CADPS: variants seen among roughly 807,000 people sequenced by gnomAD.
The protein encoded by CADPS is calcium-dependent secretion activator 1.
CADPS carries 57 observed loss-of-function variants against 167.3 expected under a neutral mutation model. The ratio of observed to expected loss-of-function variants is 0.34; its 90% CI spans 0.28 to 0.42. CADPS has a LOEUF of 0.42. Ranked by LOEUF, CADPS falls within the 20% of genes least tolerant of loss-of-function variation. The pLI, the probability that CADPS is intolerant of heterozygous loss-of-function variation, is 1.00. For missense variants in CADPS, 1,414 were observed against 1,738.1 expected, an observed-to-expected ratio of 0.81 and a Z score of 3.32; for synonymous variants, 676 against 635.3, an observed-to-expected ratio of 1.06 and a Z score of -0.96.
chr3:62,575,848 T>G (rs1376152465), intron 8 of CADPS, among the ~76,000 whole-genome samples: 1 of 152,178 alleles, frequency 6.6e-6, no homozygotes, highest in Non-Finnish European at 1.5e-5. Context: ...AAAGTAACAA[T>G]TTTCCTTTGG....
intron 3 of CADPS, among the ~76,000 whole-genome samples, chr3:62,674,210 A>G (rs905865561): frequency 6.6e-6 from 1 of 152,188 alleles, no homozygotes; most frequent in Admixed American, 6.6e-5. Context: ...TGTAAATCAC[A>G]GAGCTGCCCA....
chr3:62,560,059 G>A (rs2078883255), intron 9 of CADPS, among the ~76,000 whole-genome samples: 1 of 149,906 alleles, frequency 6.7e-6, no homozygotes. Flanking sequence ...TTATATTGCT[G>A]AAGTCACTCT....
chr3:62,804,618 T>C (rs1352331000), intron 1 of CADPS, among the ~76,000 whole-genome samples: 1 of 152,120 alleles, frequency 6.6e-6, no homozygotes, highest in Non-Finnish European at 1.5e-5. Context: ...TGTTTCAATA[T>C]GTTGCTCCCT....
chr3:62,827,124 G>C (rs1310247909), intron 1 of CADPS, among the ~76,000 whole-genome samples: 1 of 152,120 alleles, frequency 6.6e-6, no homozygotes, highest in Non-Finnish European at 1.5e-5. Context: ...CAGAGGGTGT[G>C]GGGGTGCTAT....
chr3:62,770,214 C>G (rs963369301), intron 1 of CADPS, among the ~76,000 whole-genome samples: 2 of 152,146 alleles, frequency 1.3e-5, no homozygotes, highest in Admixed American at 1.3e-4. Flanking sequence ...TCAGCCAAGC[C>G]AGCATCTCCT....
intron 3 of CADPS, among the ~76,000 whole-genome samples, chr3:62,711,976 C>G (rs1371486252): frequency 6.6e-6 from 1 of 152,058 alleles, no homozygotes; most frequent in African/African-American, 2.4e-5. Flanking sequence ...ATCATACTGC[C>G]AATTTTCTGC....
chr3:62,532,754 T>G lies in CADPS; in HGVS notation c.2291+117A>C, dbSNP rs894251330. 6 of 720,136 alleles carry G rather than the reference T, an allele frequency of 8.3e-6. No homozygotes were observed. In the East Asian group the frequency reaches 1.7e-4, roughly 20 times the overall value. 44.6% of individuals were successfully genotyped at this position (720,136 alleles called of 1,614,324 possible). ...GTGTGTGTGTGTGTGTGTGTGTACG[T>G]GTGCACATACCACCGAAGGAATGAA... On this transcript the variant is annotated intron_variant, in intron 13 of 29. Transcript: ENST00000383710.
intron 27 of CADPS, chr3:62,440,771 T>A (rs2056167662): frequency 6.6e-6 from 1 of 152,166 alleles, no homozygotes; most frequent in South Asian, 2.1e-4. Flanking sequence ...AGAGCTATCA[T>A]TTTTCCTTAT....
chr3:62,400,931 G>A (rs188312213), intron 29 of CADPS, among the ~76,000 whole-genome samples: 2,039 of 152,100 alleles, frequency 0.013, 24 homozygotes, highest in Non-Finnish European at 0.02. Context: ...CATCTAATGC[G>A]GTCATGATAG....
intron 3 of CADPS, among the ~76,000 whole-genome samples, chr3:62,731,831 G>GAAAAAAAAAAAAAAAAAAAA (rs1564430756): frequency 1.9e-5 from 1 of 52,418 alleles, no homozygotes; most frequent in Admixed American, 1.9e-4. Flanking sequence ...AAAAAAAAAA[G>GAAAAAAAAAAAAAAAAAAAA]TAAAGAAGGA....
intron 1 of CADPS, among the ~76,000 whole-genome samples, chr3:62,786,265 A>T (rs944394950): frequency 5.3e-5 from 8 of 152,168 alleles, no homozygotes; most frequent in Non-Finnish European, 1.2e-4. Flanking sequence ...AATCAGTGAA[A>T]AAAAGGATGT....
intron 1 of CADPS, among the ~76,000 whole-genome samples, chr3:62,774,122 TG>T (rs1285314564): frequency 6.6e-6 from 1 of 151,906 alleles, no homozygotes; most frequent in Non-Finnish European, 1.5e-5. Context: ...GAAGGTGAGT[TG>T]GGGCTAAAGA....
At chr3:62,696,080 A>G (rs2367319) in intron 3 of CADPS, among the ~76,000 whole-genome samples, 83,123 of 151,916 alleles carry the variant, frequency 0.55, 24,316 homozygotes, top group East Asian at 0.89. Context: ...ATAAAAGTGT[A>G]GGTCTGGATG....
chr3:62,867,242 T>C (rs554879036), intron 1 of CADPS, among the ~76,000 whole-genome samples: 41 of 152,128 alleles, frequency 2.7e-4, no homozygotes, highest in African/African-American at 8.7e-4. Flanking sequence ...TATTCAATGA[T>C]AACGAGCATA....
chr3:62,678,771 T>C (rs562414629), intron 3 of CADPS, among the ~76,000 whole-genome samples: 23 of 151,708 alleles, frequency 1.5e-4, no homozygotes, highest in African/African-American at 4.9e-4. Context: ...CAGCAGAGTG[T>C]TGAATGGGAT....
At chr3:62,488,469 A>ATTAT (rs760932725) in intron 21 of CADPS, among the ~76,000 whole-genome samples, 4,664 of 150,470 alleles carry the variant, frequency 0.031, 102 homozygotes, top group African/African-American at 0.059. Context: ...CACTGTTTTT[A>ATTAT]TTATTTATTT....
intron 1 of CADPS, chr3:62,779,478 G>T (rs564232816): frequency 3.7e-6 from 2 of 536,828 alleles, no homozygotes; most frequent in Admixed American, 2.0e-5. Context: ...ATCAAAATCT[G>T]CCATCTTGGC....
intron 2 of CADPS, among the ~76,000 whole-genome samples, chr3:62,754,380 G>A (rs923655256): frequency 6.6e-6 from 1 of 151,908 alleles, no homozygotes; most frequent in Non-Finnish European, 1.5e-5. Context: ...TACATACAGG[G>A]TTTCACCATG....
chr3:62,658,986 T>C (rs1302349913), intron 4 of CADPS, among the ~76,000 whole-genome samples: 1 of 152,166 alleles, frequency 6.6e-6, no homozygotes, highest in African/African-American at 2.4e-5. Flanking sequence ...TGGCTGCAGT[T>C]TCTCTGCAGG....
Sources: allele counts gnomAD v4.1 joint callset (sites outside exome capture counted in the v4.1 genomes callset), GRCh38; gene constraint gnomAD v4.1.1; transcripts MANE v1.5; gene names NCBI Gene and HGNC (gene_info 2026-07-23, HGNC 2026-07-21).